DERA: variants seen among roughly 807,000 people sequenced by gnomAD.
DERA encodes deoxyribose-phosphate aldolase.
Under a neutral mutation model 41.1 loss-of-function variants are expected in DERA, and 15 were observed. That is an observed-to-expected ratio of 0.37 (90% CI 0.24 to 0.56). DERA has a LOEUF of 0.56. DERA is among the 20% of genes least tolerant of loss of function. The pLI is 0.81. For missense variants in DERA, 396 were observed against 403.4 expected (o/e 0.98, Z 0.16); for synonymous variants, 139 against 137.4 (o/e 1.01, Z -0.08).
In DERA at chr12:15,957,017, T is replaced by C. The variant is rs774189773; in HGVS notation, c.113T>C (p.Val38Ala). ...RAEQIQARRT[V>A]KKEWQAAWLL... is the part of the protein sequence containing the mutation. The stretch of plus-strand genomic sequence containing the variant: ...GAACAAATCCAGGCTCGCAGAACCG[T>C]GAAAAAGGAGTGGCAGGTAAGGGTT... The change falls in exon 2 of 9, where the codon GTG (valine) becomes GCG (alanine). Residue 38 changes from valine (V) to alanine (A), a missense_variant. Transcript: ENST00000428559. This position sits in a 1 kb window ranked among gnomAD's most constrained non-coding sequence, Gnocchi z 4.8. 10 of 1,613,750 alleles carry C rather than the reference T, an allele frequency of 6.2e-6. No homozygotes were observed. In the East Asian group the frequency reaches 2.2e-4, roughly 36 times the overall value.
rs1949123315 is a variant in DERA at position 16,035,841 on chromosome 12, T to G, written c.751-391T>G. On this transcript the variant is annotated intron_variant, in intron 7 of 8. Transcript: ENST00000428559. This position sits in a 1 kb window ranked among gnomAD's most constrained non-coding sequence, Gnocchi z 4.1. Reference sequence around the variant, plus strand: ...AAGGCTGAGAAGTGACTCTACAGGCTTACTTGTGGAAATGTAGAATGAGTG... The same window carrying G: ...AAGGCTGAGAAGTGACTCTACAGGCGTACTTGTGGAAATGTAGAATGAGTG... Among the ~76,000 whole-genome samples, 1 of 152,224 alleles carries G rather than the reference T, an allele frequency of 6.6e-6. No individual in the cohort carries two copies. The highest frequency in any genetic ancestry group is 1.5e-5 in the Non-Finnish European group (1 of 68,038).
Position 16,012,691 on chromosome 12 carries a change from G to A in DERA, c.638-19851G>A, listed in dbSNP as rs1010288061. Among the ~76,000 whole-genome samples, 1 of 152,038 alleles carries A rather than the reference G, an allele frequency of 6.6e-6. No homozygotes were observed. The highest frequency in any genetic ancestry group is 1.5e-5 in the Non-Finnish European group (1 of 67,998). ...TTTAAACCAACATTTTAAAGATATTGGTGTAAAATGGTGTCAAATTGTTAA... is the reference window on the plus strand; with the variant it reads ...TTTAAACCAACATTTTAAAGATATTAGTGTAAAATGGTGTCAAATTGTTAA... On this transcript the variant is annotated intron_variant, in intron 6 of 8. Coordinates refer to ENST00000428559, the MANE Select transcript of DERA (RefSeq NM_015954.4). This position sits in a 1 kb window ranked among gnomAD's most constrained non-coding sequence, Gnocchi z 4.1.
At chr12:15,934,874 T>A (rs1438969753) in intron 1 of DERA, among the ~76,000 whole-genome samples, 1 of 152,136 alleles carries the variant, frequency 6.6e-6, no homozygotes, top group Non-Finnish European at 1.5e-5. Context: ...TGATAATGCT[T>A]CCCCTAAGAG....
chr12:16,007,709 T>C (rs1277838551), intron 6 of DERA, among the ~76,000 whole-genome samples: 1 of 152,158 alleles, frequency 6.6e-6, no homozygotes, highest in African/African-American at 2.4e-5. Flanking sequence ...ATAGAAAAAT[T>C]TCTCGTTGAT....
At chr12:15,949,133 C>G (rs1948475790) in intron 1 of DERA, among the ~76,000 whole-genome samples, 1 of 152,174 alleles carries the variant, frequency 6.6e-6, no homozygotes, top group African/African-American at 2.4e-5. Flanking sequence ...CCCAGTTAGG[C>G]TACTCAGGGG....
At chr12:15,971,508 CTTTTTTTTT>C (rs56142412) in intron 5 of DERA, among the ~76,000 whole-genome samples, 2 of 97,044 alleles carry the variant, frequency 2.1e-5, no homozygotes, top group African/African-American at 4.3e-5. Flanking sequence ...TATCTCAACT[CTTTTTTTTT>C]TTTTTTTTTT....
At chr12:15,944,838 T>C (rs1398373743) in intron 1 of DERA, among the ~76,000 whole-genome samples, 1 of 152,234 alleles carries the variant, frequency 6.6e-6, no homozygotes, top group Non-Finnish European at 1.5e-5. Flanking sequence ...GCCTAGGTTT[T>C]CTTCTAGGGT....
chr12:15,958,689 A>G (rs147069171), intron 3 of DERA, among the ~76,000 whole-genome samples: 1,648 of 152,274 alleles, frequency 0.011, 16 homozygotes, highest in Middle Eastern at 0.031. Flanking sequence ...TCATTACTTA[A>G]TAATCACATC....
chr12:16,006,985 A>G (rs1276430272), intron 6 of DERA, among the ~76,000 whole-genome samples: 3 of 152,116 alleles, frequency 2.0e-5, no homozygotes, highest in African/African-American at 7.2e-5. Flanking sequence ...GTTTTTAAAT[A>G]TTTGTCACGT....
chr12:15,923,797 T>C (rs1641227140), intron 1 of DERA, among the ~76,000 whole-genome samples: 4 of 151,906 alleles, frequency 2.6e-5, no homozygotes, highest in Admixed American at 2.6e-4. Flanking sequence ...TGAATCACAA[T>C]GGTGGCTTCA....
Position 15,911,661 on chromosome 12 carries a change from A to G in DERA, c.31+247A>G, listed in dbSNP as rs954053476. On this transcript the variant is annotated intron_variant, in intron 1 of 8. Transcript: ENST00000428559. The surrounding 1 kb of genome is among the most constrained non-coding windows in gnomAD (Gnocchi z 4.5). ...GGAAGGAGTAGGAAAGGGTTAGATT[A>G]TTATCTTCCTGCCTTTTCGTTCACT... 5.8e-6 allele frequency: 4 copies of G among 690,732 alleles called. No homozygotes were observed. The African/African-American group carries it at 7.0e-5, about 12-fold the overall frequency. The allele number at this position is 690,732 out of a possible 1,614,324, so 42.8% of individuals were successfully genotyped here. A position where few individuals can be genotyped will look rare whatever the true frequency, so the allele number is the denominator to read the frequency against.
intron 5 of DERA, among the ~76,000 whole-genome samples, chr12:15,968,754 G>A (rs1412541556): frequency 6.6e-6 from 1 of 152,150 alleles, no homozygotes; most frequent in Non-Finnish European, 1.5e-5. Flanking sequence ...TCATCCTGTT[G>A]CTTGGCCCAG....
At position 16,013,527 on chromosome 12, in the gene DERA, C is replaced by T. The variant is rs1224790227; in HGVS notation, c.638-19015C>T. On this transcript the variant is annotated intron_variant, in intron 6 of 8. Transcript: ENST00000428559. This position sits in a 1 kb window ranked among gnomAD's most constrained non-coding sequence, Gnocchi z 5.8. ...CACCTTCTGCCATGATTGTAAGTTTCCTGAGGCCTCCCCAGCCATGCTGAA... is the reference window on the plus strand; with the variant it reads ...CACCTTCTGCCATGATTGTAAGTTTTCTGAGGCCTCCCCAGCCATGCTGAA... 1.3e-5 allele frequency among the ~76,000 whole-genome samples: 2 copies of T among 152,192 alleles called. No homozygotes were observed. Among genetic ancestry groups the T allele is most frequent in the African/African-American group, 2.4e-5 (1 of 41,452 alleles).
chr12:15,922,517 G>A lies in DERA; in HGVS notation c.31+11103G>A, dbSNP rs1286159000. Among the ~76,000 whole-genome samples the A allele has an allele frequency of 6.6e-6, 1 of 152,174 alleles. No individual in the cohort carries two copies. The highest frequency in any genetic ancestry group is 6.6e-5 in the Admixed American group (1 of 15,266). On this transcript the variant is annotated intron_variant, in intron 1 of 8. Transcript: ENST00000428559. The surrounding 1 kb of genome is among the most constrained non-coding windows in gnomAD (Gnocchi z 4.9). ...TGGGACACAGTGATTAGCATGTAGA[G>A]TCTAGAAAATAGGCATTGATGCTGA... is the stretch of plus-strand genomic sequence containing the variant.
chr12:15,942,331 AT>A (rs907891649), intron 1 of DERA, among the ~76,000 whole-genome samples: 15 of 151,114 alleles, frequency 9.9e-5, no homozygotes, highest in African/African-American at 2.2e-4. Flanking sequence ...AACTTTGCTA[AT>A]TTTTTTTTGC....
At chr12:16,034,945 T>A (rs990699651) in intron 7 of DERA, among the ~76,000 whole-genome samples, 6 of 50,412 alleles carry the variant, frequency 1.2e-4, no homozygotes, top group Non-Finnish European at 2.2e-4. Flanking sequence ...CTCATCCTAC[T>A]TAACCCCCTA....
At chr12:15,949,048 G>A (rs1335332995) in intron 1 of DERA, among the ~76,000 whole-genome samples, 3 of 152,182 alleles carry the variant, frequency 2.0e-5, no homozygotes, top group African/African-American at 4.8e-5. Context: ...CTGTCTGATC[G>A]TTCCTCTGGG....
chr12:15,975,790 A>T (rs781334891), intron 5 of DERA, among the ~76,000 whole-genome samples: 4 of 152,198 alleles, frequency 2.6e-5, no homozygotes, highest in Non-Finnish European at 4.4e-5. Flanking sequence ...TGTTCCCATC[A>T]TTCTTTGAGA....
rs969897174 is a variant in DERA, at chr12:15,922,307, T to G, written c.31+10893T>G. 9.2e-5 allele frequency among the ~76,000 whole-genome samples: 14 copies of G among 152,194 alleles called. No individual in the cohort carries two copies. The highest frequency in any genetic ancestry group is 1.9e-4 in the Non-Finnish European group (13 of 68,040). ...CCAGTCAACATTGTATTATTAACCT[T>G]TAGATAATCATTTAAAAATGCTGTG... is the stretch of plus-strand genomic sequence containing the variant. On this transcript the variant is annotated intron_variant, in intron 1 of 8. Transcript: ENST00000428559. The surrounding 1 kb of genome is among the most constrained non-coding windows in gnomAD (Gnocchi z 4.9).
Sources: gnomAD v4.1 joint callset for allele counts (sites outside exome capture counted in the v4.1 genomes callset) on GRCh38, gnomAD v4.1.1 for gene constraint, Gnocchi (gnomAD v3.1) non-coding constraint, MANE v1.5 for transcripts, NCBI Gene and HGNC (gene_info 2026-07-23, HGNC 2026-07-21) for gene names.